SNAP91: variants seen among roughly 807,000 people sequenced by gnomAD.
SNAP91 encodes the protein clathrin coat assembly protein AP180.
In SNAP91, 27 loss-of-function variants were observed where a neutral mutation model predicts 100.3. That is an observed-to-expected ratio of 0.27 (90% confidence interval 0.20 to 0.37). The LOEUF (loss-of-function observed/expected upper bound fraction) is 0.37, where lower values mean the gene tolerates loss of function less well. Among genes scored for constraint, SNAP91 ranks in the 10% least tolerant of loss-of-function variants. SNAP91 has a pLI of 1.00. For synonymous variants in SNAP91, 404 were observed against 398.6 expected (o/e 1.01, Z -0.16); for missense variants, 986 against 1,123.7 (o/e 0.88, Z 1.75).
At chr6:83,683,798 C>T (rs996112034) in intron 2 of SNAP91, among the ~76,000 whole-genome samples, 12 of 152,064 alleles carry the variant, frequency 7.9e-5, no homozygotes, top group African/African-American at 2.9e-4. Flanking sequence ...CTTTTCAAAC[C>T]GACTTTGCCT....
At chr6:83,640,994 C>T in intron 8 of SNAP91, 102 bp downstream of exon 8, 1 of 659,352 alleles carries the variant, frequency 1.5e-6, no homozygotes, top group Middle Eastern at 3.6e-4. Context: ...ACTTCCAACC[C>T]TAATATACTG....
intron 7 of SNAP91, 93 bp from the exon 8 acceptor site, chr6:83,641,295 A>G (rs762440184): frequency 8.0e-5 from 45 of 563,428 alleles, no homozygotes; most frequent in Non-Finnish European, 1.3e-4. Flanking sequence ...AAACTTAATT[A>G]ATGTTTGAAT....
chr6:83,572,248 T>C (rs559191695), intron 26 of SNAP91, among the ~76,000 whole-genome samples: 1 of 152,218 alleles, frequency 6.6e-6, no homozygotes, highest in Admixed American at 6.5e-5. Context: ...CTAAACGTTT[T>C]TTCCTTTTGT....
At chr6:83,667,837 A>C (rs1394330965) in intron 2 of SNAP91, among the ~76,000 whole-genome samples, 1 of 152,140 alleles carries the variant, frequency 6.6e-6, no homozygotes, top group African/African-American at 2.4e-5. Context: ...AATGGGATCT[A>C]ATTAAACTAA....
rs769494882 is a variant in SNAP91, at chr6:83,593,569, G to GGCA, written c.1602_1604dup (p.Ala535dup). On this transcript the variant is annotated inframe_insertion, in exon 18 of 30. Transcript: ENST00000369694. ...TGGCAGCGGCGGTGGCAGCAGTAGT[G>GGCA]GCAGCAGCAGCAGCTGCAACGGCAG... 5 of 1,554,252 alleles carry GGCA rather than the reference G, an allele frequency of 3.2e-6. No individual in the cohort carries two copies. Among genetic ancestry groups the GGCA allele is most frequent in the Admixed American group, 1.9e-5 (1 of 51,380 alleles).
intron 2 of SNAP91, among the ~76,000 whole-genome samples, chr6:83,682,827 T>C (rs2099010112): frequency 6.6e-6 from 1 of 151,120 alleles, no homozygotes. Flanking sequence ...TAGCCTTTTT[T>C]TTTGAGGAAA....
At chr6:83,687,436 G>A (rs537218469) in intron 2 of SNAP91, among the ~76,000 whole-genome samples, 12 of 152,050 alleles carry the variant, frequency 7.9e-5, no homozygotes, top group South Asian at 6.2e-4. Context: ...CTTGTATCAC[G>A]GTGTGTCCAA....
rs1468598552 is a variant in SNAP91 at position 83,665,716 on chromosome 6, A to T, written c.131-135T>A. The T allele has an allele frequency of 7.3e-6, 5 of 684,052 alleles. No homozygotes were observed. In the Admixed American group the frequency reaches 1.3e-4, roughly 18 times the overall value. 42.4% of individuals were successfully genotyped at this position (684,052 alleles called of 1,614,324 possible). A position where few individuals can be genotyped will look rare whatever the true frequency, so the allele number is the denominator to read the frequency against. ...TTGATAATAGCTGATAACAAAATTT[A>T]AAAAATTAAACTGTAATATTTTACC... On this transcript the variant is annotated intron_variant, in intron 2 of 29. Transcript: ENST00000369694.
intron 7 of SNAP91, among the ~76,000 whole-genome samples, chr6:83,650,569 C>T (rs2098156428): frequency 6.6e-6 from 1 of 152,112 alleles, no homozygotes; most frequent in Non-Finnish European, 1.5e-5. Context: ...AGGTGCCCAC[C>T]ACCACACCCA....
chr6:83,649,774 A>G (rs555985096), intron 7 of SNAP91, among the ~76,000 whole-genome samples: 1 of 149,872 alleles, frequency 6.7e-6, no homozygotes, highest in South Asian at 2.1e-4. Context: ...TTTTTAGTAG[A>G]GATGGGGTTT....
At chr6:83,681,219 T>G (rs2128913897) in intron 2 of SNAP91, among the ~76,000 whole-genome samples, 1 of 152,306 alleles carries the variant, frequency 6.6e-6, no homozygotes, top group East Asian at 1.9e-4. Context: ...TAATAATTTC[T>G]GAAGCAATTG....
chr6:83,586,952 T>G (rs2092759231), intron 22 of SNAP91, among the ~76,000 whole-genome samples: 1 of 152,144 alleles, frequency 6.6e-6, no homozygotes, highest in Non-Finnish European at 1.5e-5. Context: ...ACTCAAGGGG[T>G]AGAAGACGAC....
intron 2 of SNAP91, chr6:83,686,083 C>G: frequency 3.7e-6 from 3 of 818,202 alleles, no homozygotes; most frequent in Non-Finnish European, 4.4e-6. Context: ...ACAGTAGACA[C>G]TGATTAAATG....
intron 2 of SNAP91, among the ~76,000 whole-genome samples, chr6:83,679,068 A>T (rs2098951058): frequency 6.6e-6 from 1 of 152,148 alleles, no homozygotes; most frequent in African/African-American, 2.4e-5. Flanking sequence ...AAATACAACA[A>T]TTAAAAAAAT....
At chr6:83,701,438 T>A (rs2099307211) in intron 2 of SNAP91, among the ~76,000 whole-genome samples, 1 of 150,450 alleles carries the variant, frequency 6.6e-6, no homozygotes, top group Admixed American at 6.6e-5. Flanking sequence ...GAATGACACA[T>A]CAAAAATTCT....
chr6:83,622,772 G>GA (rs2096781761), intron 9 of SNAP91, among the ~76,000 whole-genome samples: 1 of 151,424 alleles, frequency 6.6e-6, no homozygotes, highest in Admixed American at 6.6e-5. Context: ...ATGGGCTCCA[G>GA]AAAAATTGCT....
At chr6:83,671,005 G>A (rs541853180) in intron 2 of SNAP91, among the ~76,000 whole-genome samples, 1 of 151,790 alleles carries the variant, frequency 6.6e-6, no homozygotes, top group Non-Finnish European at 1.5e-5. Flanking sequence ...TTGTATTTCC[G>A]TATGAGTTTT....
intron 26 of SNAP91, 60 bp from the exon 27 acceptor site, chr6:83,561,007 G>A (rs748676994): frequency 3.0e-5 from 32 of 1,079,414 alleles, no homozygotes; most frequent in African/African-American, 1.8e-4. Flanking sequence ...ACACATGCAC[G>A]ACAATAAACA....
intron 7 of SNAP91, among the ~76,000 whole-genome samples, chr6:83,645,718 G>T (rs1312989377): frequency 5.9e-5 from 9 of 152,116 alleles, no homozygotes; most frequent in Non-Finnish European, 1.3e-4. Context: ...AGGAGTGGTG[G>T]TGCGTGTCTG....
Sources: allele counts gnomAD v4.1 joint callset (sites outside exome capture counted in the v4.1 genomes callset), GRCh38; gene constraint gnomAD v4.1.1; transcripts MANE v1.5; gene names NCBI Gene and HGNC (gene_info 2026-07-23, HGNC 2026-07-21).